The following GDF5 variants were observed in gnomAD, a reference collection of about 807,000 sequenced individuals.
The protein encoded by GDF5 is growth differentiation factor 5, also known as growth/differentiation factor 5.
A neutral mutation model predicts 34.6 loss-of-function variants in GDF5; 17 were observed. That is an observed-to-expected ratio of 0.49 (90% CI 0.34 to 0.74). The LOEUF (loss-of-function observed/expected upper bound fraction) is 0.74, where lower values mean the gene tolerates loss of function less well. Among genes scored for constraint, GDF5 ranks in the 30% least tolerant of loss-of-function variants. The pLI, the probability that GDF5 is intolerant of heterozygous loss-of-function variation, is 0.01. For missense variants in GDF5, 616 were observed against 661.2 expected (o/e 0.93, Z 0.75); for synonymous variants, 332 against 290.7 (o/e 1.14, Z -1.44).
chr20:35,448,920 G>A (rs1288205822), intron 1 of GDF5, among the ~76,000 whole-genome samples: 2 of 152,176 alleles, frequency 1.3e-5, no homozygotes, highest in Non-Finnish European at 2.9e-5. Flanking sequence ...GCTAGGACTG[G>A]AATAAGAACT....
In GDF5 at chr20:35,444,008, G is replaced by C. The variant is rs147148387; in HGVS notation, c.-397-2621C>G. Among the ~76,000 whole-genome samples the C allele has an allele frequency of 4.1e-3, 619 of 152,254 alleles. 3 individuals are homozygous for C. Among genetic ancestry groups the C allele is most frequent in the African/African-American group, 0.013 (554 of 41,554 alleles). ...ACAGCAGCTGAGAGAACAGGCGCTG[G>C]GACCAGACAATGCAGTGTTCCAGTT... On this transcript the variant is annotated intron_variant, in intron 1 of 3. Transcript: ENST00000374372.
In GDF5 at chr20:35,437,979, G is replaced by A. The variant is rs2146583719; in HGVS notation, c.-51C>T. ...CAAAGAGAACAGCGGCAGCAGCGAA[G>A]GTGCCTCTGGTTTGGCAGGAAAAAC... is the stretch of plus-strand genomic sequence containing the variant. On this transcript the variant is annotated 5_prime_UTR_variant, in exon 1 of 2. Transcript: ENST00000374369. 1 of 1,605,934 alleles carries A rather than the reference G, an allele frequency of 6.2e-7. No homozygotes were observed. The highest frequency in any genetic ancestry group is 8.5e-7 in the Non-Finnish European group (1 of 1,175,552).
upstream of GDF5, chr20:35,438,313 G>GTT: frequency 7.8e-6 from 2 of 257,526 alleles, no homozygotes; most frequent in Non-Finnish European, 7.6e-6. Context: ...GTGTGCTCCA[G>GTT]TTTTTTTTTC....
chr20:35,436,160 T>C (rs2062471826), intron 1 of GDF5, among the ~76,000 whole-genome samples: 1 of 152,170 alleles, frequency 6.6e-6, no homozygotes, highest in Non-Finnish European at 1.5e-5. Context: ...AGAAGGTGAC[T>C]AATTAGGCCT....
At position 35,433,934 on chromosome 20, in the gene GDF5, A is replaced by T; in HGVS notation, c.1481T>A (p.Val494Asp). 6.2e-7 allele frequency: 1 copy of T among 1,614,026 alleles called. No homozygotes were observed. Among genetic ancestry groups the T allele is most frequent in the Non-Finnish European group, 8.5e-7 (1 of 1,179,964 alleles). ...CTACCTGCAGCCACACGACTCCACG[A>T]CCATGTCCTCATACTGCTTATACAC... ...NVVYKQYEDM[V>D]VESCGCR Residue 494 changes from valine (V) to aspartate (D), a missense_variant, in exon 2 of 2, where the codon GTC becomes GAC. Transcript: ENST00000374369.
At chr20:35,435,334 C>CCAGCTACT (rs2062467095) in intron 1 of GDF5, 1 of 169,706 alleles carries the variant, frequency 5.9e-6, no homozygotes, top group Non-Finnish European at 1.3e-5. Flanking sequence ...ACATGTAGTC[C>CCAGCTACT]CAGCTACTCA....
upstream of GDF5, among the ~76,000 whole-genome samples, chr20:35,438,821 A>ATG (rs1177580555): frequency 2.6e-3 from 116 of 45,026 alleles, 1 homozygote; most frequent in South Asian, 0.065. Flanking sequence ...CTGATTTGTT[A>ATG]TGCGTGTGTG....
intron 1 of GDF5, among the ~76,000 whole-genome samples, chr20:35,445,740 C>T (rs6058247): frequency 0.3 from 45,484 of 150,824 alleles, 7,324 homozygotes; most frequent in South Asian, 0.5. Flanking sequence ...GAGGCTGAGG[C>T]GGGCAGATCA....
Position 35,453,706 on chromosome 20 carries a change from C to A in GDF5, c.-398+934G>T, listed in dbSNP as rs191853278. On this transcript the variant is annotated intron_variant, in intron 1 of 3. Coordinates refer to the GDF5 transcript ENST00000374372. ...TATTTCTCAAATTAGCTATTAAGAT[C>A]TTTTTTGTGTTCTTACAGGAGAAAG... Among the ~76,000 whole-genome samples, 6 of 152,252 alleles carry A rather than the reference C, an allele frequency of 3.9e-5. No homozygotes were observed. The East Asian group carries it at 9.6e-4, about 24-fold the overall frequency.
chr20:35,442,501 G>A (rs978918768), upstream of GDF5, among the ~76,000 whole-genome samples: 9 of 150,076 alleles, frequency 6.0e-5, no homozygotes, highest in African/African-American at 2.0e-4. Context: ...GGCATCAGCC[G>A]CCGTGCCCAG....
chr20:35,433,717 C>A lies in GDF5; in HGVS notation c.*192G>T. On this transcript the variant is annotated 3_prime_UTR_variant, in exon 2 of 2. Coordinates refer to ENST00000374369, the MANE Select transcript of GDF5 (RefSeq NM_000557.5). ...CAGCAGACGGGCAGCAATCCTCAGC[C>A]AGGGGAACTTGTGGATAAAAGGGGG... is the stretch of plus-strand genomic sequence containing the variant. 1.5e-6 allele frequency: 1 copy of A among 662,120 alleles called. No individual in the cohort carries two copies. The highest frequency in any genetic ancestry group is 2.7e-6 in the Non-Finnish European group (1 of 365,798). 41.0% of individuals were successfully genotyped at this position (662,120 alleles called of 1,614,324 possible). A position where few individuals can be genotyped will look rare whatever the true frequency, so the allele number is the denominator to read the frequency against.
At chr20:35,451,103 A>G (rs1446066130) in intron 1 of GDF5, among the ~76,000 whole-genome samples, 2 of 138,512 alleles carry the variant, frequency 1.4e-5, no homozygotes, top group African/African-American at 5.1e-5. Context: ...ACACAAATAT[A>G]TATGTAGTGA....
At chr20:35,438,362 A>T (rs1187215606), upstream of GDF5, 12 of 167,364 alleles carry the variant, frequency 7.2e-5, no homozygotes, top group Non-Finnish European at 1.6e-4. Context: ...AATACTTCAC[A>T]CACACACACA....
chr20:35,434,383 C>T lies in GDF5; in HGVS notation c.1032G>A (p.Val344=). The change falls in exon 2 of 2, where the codon GTG becomes GTA. Residue 344 remains valine, a synonymous_variant. Coordinates refer to ENST00000374369, the MANE Select transcript of GDF5 (RefSeq NM_000557.5). ...RQVHEKALFL[V]FGRTKKRDLF... The stretch of plus-strand genomic sequence containing the variant: ...GGTCCCGTTTCTTGGTGCGGCCAAA[C>T]ACCAGGAACAGGGCTTTCTCGTGGA... 2 of 1,613,736 alleles carry T rather than the reference C, an allele frequency of 1.2e-6. No individual in the cohort carries two copies. The highest frequency in any genetic ancestry group is 1.1e-5 in the South Asian group (1 of 91,082).
intron 1 of GDF5, among the ~76,000 whole-genome samples, chr20:35,452,626 T>C (rs2062537676): frequency 6.6e-6 from 1 of 152,242 alleles, no homozygotes; most frequent in South Asian, 2.1e-4. Flanking sequence ...TTCTCCCTGT[T>C]GGTCAGGATG....
chr20:35,437,891 T>A lies in GDF5; in HGVS notation c.38A>T (p.Tyr13Phe), dbSNP rs1340708701. ...LPKLLTFLLW[Y>F]LAWLDLEFIC... is the part of the protein sequence containing the mutation. The stretch of plus-strand genomic sequence containing the variant: ...GAATTCCAGGTCCAGCCAAGCCAGG[T>A]ACCAAAGCAAGAAAGTGAGGAGTTT... Residue 13 changes from tyrosine to phenylalanine, a missense_variant, in exon 1 of 2, where the codon TAC becomes TTC. Coordinates refer to ENST00000374369, the MANE Select transcript of GDF5 (RefSeq NM_000557.5). The A allele has an allele frequency of 3.1e-6, 5 of 1,613,862 alleles. No individual in the cohort carries two copies. In the African/African-American group the frequency reaches 5.3e-5, roughly 17 times the overall value.
rs1568733254 is a variant in GDF5, at chr20:35,437,332, G to A, written c.597C>T (p.Ala199=). 5.6e-6 allele frequency: 9 copies of A among 1,613,198 alleles called. No individual in the cohort carries two copies. Among genetic ancestry groups the A allele is most frequent in the Non-Finnish European group, 6.8e-6 (8 of 1,179,558 alleles). The change falls in exon 1 of 2, where the codon GCC becomes GCT. Residue 199 remains alanine, a synonymous_variant. Coordinates refer to ENST00000374369, the MANE Select transcript of GDF5 (RefSeq NM_000557.5). ...TGTCAATAAAGCTGGTGATGGTGTT[G>A]GCCAGGCCAGCCTCCAACTTCACGC... ...NSSVKLEAGL[A]NTITSFIDKG...
upstream of GDF5, among the ~76,000 whole-genome samples, chr20:35,439,189 A>G (rs931898269): frequency 6.6e-6 from 1 of 150,564 alleles, no homozygotes; most frequent in Non-Finnish European, 1.5e-5. Flanking sequence ...AGTCTGGGGC[A>G]GCAGCGGCCC....
rs1195485139 is a variant in GDF5 at position 35,437,339 on chromosome 20, C to A, written c.590G>T (p.Gly197Val). The change falls in exon 1 of 2, where the codon GGC (glycine) becomes GTC (valine). Residue 197 changes from glycine to valine, a missense_variant. Transcript: ENST00000374369. ...AAAGCTGGTGATGGTGTTGGCCAGG[C>A]CAGCCTCCAACTTCACGCTGCTGTT... The part of the protein sequence containing the change: ...GGNSSVKLEA[G>V]LANTITSFID... The A allele has an allele frequency of 6.2e-7, 1 of 1,613,192 alleles. No homozygotes were observed. The highest frequency in any genetic ancestry group is 1.7e-5 in the Admixed American group (1 of 59,970).
Sources: allele counts gnomAD v4.1 joint callset (sites outside exome capture counted in the v4.1 genomes callset), GRCh38; gene constraint gnomAD v4.1.1; transcripts MANE v1.5; gene names NCBI Gene and HGNC (gene_info 2026-07-23, HGNC 2026-07-21).